Variants in SPTA1 observed in about 807,000 individuals in gnomAD.
The protein encoded by SPTA1 is spectrin alpha, erythrocytic 1.
In SPTA1, 177 loss-of-function variants were observed where a neutral mutation model predicts 324.7. That is an observed-to-expected ratio of 0.55 (90% CI 0.48 to 0.62). SPTA1 has a LOEUF of 0.62. SPTA1 is among the 20% of genes least tolerant of loss of function. SPTA1 has a pLI of 0.00. For synonymous variants in SPTA1, 1,195 were observed against 1,041.3 expected (o/e 1.15, Z -2.84); for missense variants, 3,162 against 2,883.6 (o/e 1.10, Z -2.21).
intron 42 of SPTA1, 91 bp from the exon 43 acceptor site, chr1:158,623,283 G>T: frequency 9.3e-7 from 1 of 1,076,048 alleles, no homozygotes; most frequent in Non-Finnish European, 1.4e-6. Context: ...CATAGATAAG[G>T]CTAGGCAAGA....
Position 158,615,389 on chromosome 1 carries a change from C to A in SPTA1, c.6615G>T (p.Glu2205Asp). 6.2e-7 allele frequency: 1 copy of A among 1,614,080 alleles called. No individual in the cohort carries two copies. Among genetic ancestry groups the A allele is most frequent in the Non-Finnish European group, 8.5e-7 (1 of 1,180,000 alleles). Reference protein sequence around the residue: ...QLEANKRKQKEIQAMKRQLTK... With the variant: ...QLEANKRKQKDIQAMKRQLTK... Reference sequence around the variant, plus strand: ...TTAGTTGACGCTTCATCGCCTGGATCTCCTTCTGTTTTCTCTGGAAAAACG... The same window carrying A: ...TTAGTTGACGCTTCATCGCCTGGATATCCTTCTGTTTTCTCTGGAAAAACG... The change falls in exon 48 of 52, where the codon GAG becomes GAT. Residue 2205 changes from glutamate to aspartate, a missense_variant. Transcript: ENST00000643759.
intron 47 of SPTA1, 28 bp downstream of exon 47, chr1:158,617,509 C>T (rs1279518779): frequency 1.2e-6 from 2 of 1,601,384 alleles, no homozygotes; most frequent in East Asian, 2.2e-5. Flanking sequence ...TTGGCAATAT[C>T]TTCAGTTAAT....
At position 158,676,429 on chromosome 1, in the gene SPTA1, A is replaced by G; in HGVS notation, c.958-134T>C. The G allele has an allele frequency of 8.9e-6, 8 of 893,956 alleles. No individual in the cohort carries two copies. In the South Asian group the frequency reaches 1.2e-4, roughly 14 times the overall value. 55.4% of individuals were successfully genotyped at this position (893,956 alleles called of 1,614,324 possible). ...ATCGACATATGAATAGATTTCTATT[A>G]ATATACTAATGTACTACATTGATAA... On this transcript the variant is annotated intron_variant, in intron 7 of 51. Transcript: ENST00000643759.
intron 23 of SPTA1, 44 bp from the exon 24 acceptor site, chr1:158,651,512 G>T (rs1474510511): frequency 2.3e-6 from 3 of 1,332,194 alleles, no homozygotes; most frequent in African/African-American, 2.9e-5. Flanking sequence ...TTCATCCAAA[G>T]CAGTGTAAAT....
At position 158,686,557 on chromosome 1, in the gene SPTA1, CAGAGAG is replaced by C. The variant is rs111674514; in HGVS notation, c.-46_-41del. On this transcript the variant is annotated 5_prime_UTR_variant, in exon 1 of 52. Coordinates refer to ENST00000643759, the MANE Select transcript of SPTA1 (RefSeq NM_003126.4). The stretch of plus-strand genomic sequence containing the variant: ...TAGAACCTGGCAAGATAAAATGTGT[CAGAGAG>C]AGAGAGAGAGAGAAATAATTCAAAT... 2.6e-4 allele frequency: 267 copies of C among 1,024,200 alleles called. No homozygotes were observed. Among genetic ancestry groups the C allele is most frequent in the Non-Finnish European group, 3.9e-4 (258 of 667,152 alleles). 63.4% of individuals were successfully genotyped at this position (1,024,200 alleles called of 1,614,324 possible). A position where few individuals can be genotyped will look rare whatever the true frequency, so the allele number is the denominator to read the frequency against.
Position 158,680,678 on chromosome 1 carries a change from C to A in SPTA1, c.583G>T (p.Val195Phe). The change falls in exon 5 of 52, where the codon GTT becomes TTT. Residue 195 changes from valine (V) to phenylalanine (F), a missense_variant. Transcript: ENST00000643759. ...ELGEDWERTEVLHKKFEDFQV... is the reference protein window; with the variant it reads ...ELGEDWERTEFLHKKFEDFQV... ...AAGTCTTCAAATTTCTTATGCAGAACTTCGGTGCGCTCCCAGTCTTCACCT... is the reference window on the plus strand; with the variant it reads ...AAGTCTTCAAATTTCTTATGCAGAAATTCGGTGCGCTCCCAGTCTTCACCT... The A allele has an allele frequency of 6.2e-7, 1 of 1,613,946 alleles. No homozygotes were observed. The highest frequency in any genetic ancestry group is 8.5e-7 in the Non-Finnish European group (1 of 1,179,880).
rs1230927892 is a variant in SPTA1 at position 158,677,684 on chromosome 1, C to T, written c.957+6G>A. The stretch of plus-strand genomic sequence containing the variant: ...CGGGTTAGCCATTTCTCTAACAGCG[C>T]ATTACCTTGTCACTCATGACAGCAA... On this transcript the variant is annotated splice_donor_region_variant and intron_variant, in intron 7 of 51. Coordinates refer to ENST00000643759, the MANE Select transcript of SPTA1 (RefSeq NM_003126.4). 1 of 1,613,152 alleles carries T rather than the reference C, an allele frequency of 6.2e-7. No individual in the cohort carries two copies.
rs367886335 is a variant in SPTA1 at position 158,662,729 on chromosome 1, C to T, written c.2437G>A (p.Glu813Lys). ...EDEEAWIQET[E>K]PSATSTYLGK... ...AGGTAGGTGGAAGTAGCTGAGGGTT[C>T]AGTCTCTTGGATCCAGGCCTCCTCA... Residue 813 changes from glutamate to lysine, a missense_variant, in exon 17 of 52, where the codon GAA becomes AAA. By Grantham distance (56) the Glu-to-Lys change is moderately conservative. Coordinates refer to ENST00000643759, the MANE Select transcript of SPTA1 (RefSeq NM_003126.4). The T allele has an allele frequency of 4.3e-6, 7 of 1,613,824 alleles. No individual in the cohort carries two copies. Among genetic ancestry groups the T allele is most frequent in the Admixed American group, 3.3e-5 (2 of 59,994 alleles).
intron 37 of SPTA1, 40 bp downstream of exon 37, chr1:158,636,601 G>T (rs1391974369): frequency 6.2e-7 from 1 of 1,609,974 alleles, no homozygotes; most frequent in African/African-American, 1.3e-5. Flanking sequence ...GTTGCTATAG[G>T]ATGATTTCTA....
At position 158,658,982 on chromosome 1, in the gene SPTA1, A is replaced by G. The variant is rs74121790; in HGVS notation, c.2588-1288T>C. On this transcript the variant is annotated intron_variant, in intron 18 of 51. Coordinates refer to ENST00000643759, the MANE Select transcript of SPTA1 (RefSeq NM_003126.4). ...AATTTATGGATAGAAGACCTGCAAT[A>G]TAAGGAATGTTAGATGAAGTTCTTC... 4.0e-3 allele frequency among the ~76,000 whole-genome samples: 603 copies of G among 152,232 alleles called. 6 individuals carry two copies. The highest frequency in any genetic ancestry group is 0.014 in the African/African-American group (583 of 41,548).
chr1:158,619,545 C>T (rs1265047513), intron 44 of SPTA1, among the ~76,000 whole-genome samples: 1 of 152,142 alleles, frequency 6.6e-6, no homozygotes, highest in African/African-American at 2.4e-5. Context: ...AGAGTACTTG[C>T]AGGGTCCTCT....
At chr1:158,618,089 G>A (rs979330931) in intron 45 of SPTA1, 33 bp from the exon 46 acceptor site, 1 of 1,600,912 alleles carries the variant, frequency 6.2e-7, no homozygotes, top group African/African-American at 1.3e-5. Context: ...GGAATCACAT[G>A]AGAGAAAAGG....
chr1:158,611,944 G>A (rs1198979591), intron 51 of SPTA1: 1 of 157,162 alleles, frequency 6.4e-6, no homozygotes, highest in African/African-American at 2.4e-5. Context: ...GATAGTGTCT[G>A]GAAGACCACA....
At chr1:158,661,483 C>T in intron 17 of SPTA1, 74 bp from the exon 18 acceptor site, 1 of 1,597,946 alleles carries the variant, frequency 6.3e-7, no homozygotes, top group Non-Finnish European at 8.6e-7. Flanking sequence ...TTTTTTAGAA[C>T]TCTTGGACCC....
chr1:158,624,651 CATA>C, intron 42 of SPTA1, among the ~76,000 whole-genome samples: 1 of 152,224 alleles, frequency 6.6e-6, no homozygotes, highest in Admixed American at 6.5e-5. Context: ...CATAACTTGG[CATA>C]ATGGGTAACT....
At chr1:158,622,913 T>A (rs1008940443) in intron 43 of SPTA1, 70 bp downstream of exon 43, 1 of 1,353,184 alleles carries the variant, frequency 7.4e-7, no homozygotes, top group African/African-American at 1.4e-5. Flanking sequence ...GTTTCCAATA[T>A]CTGTTTCCGA....
At position 158,620,173 on chromosome 1, in the gene SPTA1, A is replaced by G. The variant is rs755505317; in HGVS notation, c.6414T>C (p.Ile2138=). The change falls in exon 44 of 52, where the codon ATT becomes ATC. Residue 2138 remains isoleucine (I), a synonymous_variant. Transcript: ENST00000643759. ...TTTCTGCCGTGTTCCAGGTTACCTC[A>G]ATGATGTCAGATAGGTGCTTCCAGG... ...ERTWKHLSDI[I]EEREQELQKE... is the part of the protein sequence containing the mutation. The G allele has an allele frequency of 6.2e-7, 1 of 1,614,112 alleles. No individual in the cohort carries two copies. Among genetic ancestry groups the G allele is most frequent in the South Asian group, 1.1e-5 (1 of 91,074 alleles).
At chr1:158,661,793 T>C (rs1254960090) in intron 17 of SPTA1, among the ~76,000 whole-genome samples, 1 of 152,232 alleles carries the variant, frequency 6.6e-6, no homozygotes, top group Non-Finnish European at 1.5e-5. Context: ...CAGAAAGTTT[T>C]TAAATCTTCT....
intron 39 of SPTA1, among the ~76,000 whole-genome samples, chr1:158,633,585 C>T (rs1236580839): frequency 1.4e-5 from 2 of 146,630 alleles, no homozygotes; most frequent in East Asian, 2.1e-4. Flanking sequence ...GGCATGAACC[C>T]GGGAGGCAGA....
Sources: gnomAD v4.1 joint callset for allele counts (sites outside exome capture counted in the v4.1 genomes callset) on GRCh38, gnomAD v4.1.1 for gene constraint, MANE v1.5 for transcripts, NCBI Gene and HGNC (gene_info 2026-07-23, HGNC 2026-07-21) for gene names.